DUOX1: variants seen among roughly 807,000 people sequenced by gnomAD.
DUOX1 encodes the protein dual oxidase 1, also known as NADPH thyroid oxidase 1.
In DUOX1, 134 loss-of-function variants were observed where a neutral mutation model predicts 181.8. The ratio of observed to expected loss-of-function variants is 0.74; its 90% CI spans 0.64 to 0.85. The LOEUF (loss-of-function observed/expected upper bound fraction) is 0.85, where lower values mean the gene tolerates loss of function less well. DUOX1 is among the 40% of genes least tolerant of loss of function. The pLI, the probability that DUOX1 is intolerant of heterozygous loss-of-function variation, is 0.00. For synonymous variants in DUOX1, 798 were observed against 832.5 expected (o/e 0.96, Z 0.71); for missense variants, 1,814 against 2,064.4 (o/e 0.88, Z 2.35).
In DUOX1 at chr15:45,163,935, A is replaced by C. The variant is rs1305258255; in HGVS notation, c.4533+17A>C. ...CACCCCCAGGTCAGTCCAACCCATA[A>C]CCAGGTTCTCTTCCTCTTTATCATT... On this transcript the variant is annotated intron_variant, in intron 33 of 33. Transcript: ENST00000389037. 1 of 1,611,634 alleles carries C rather than the reference A, an allele frequency of 6.2e-7. No individual in the cohort carries two copies. The highest frequency in any genetic ancestry group is 8.5e-7 in the Non-Finnish European group (1 of 1,178,422).
chr15:45,139,526 G>A lies in DUOX1; in HGVS notation c.1316G>A (p.Arg439Lys), dbSNP rs773614186. 16 of 1,613,042 alleles carry A rather than the reference G, an allele frequency of 9.9e-6. No homozygotes were observed. The highest frequency in any genetic ancestry group is 4.4e-5 in the South Asian group (4 of 90,894). ...DLGLPSYTKA[R>K]AALGLSPITR... ...GGCCTGCCCTCTTACACCAAGGCCA[G>A]GGCAGCACTGGGCTTGTCTCCCATT... is the stretch of plus-strand genomic sequence containing the variant. Residue 439 changes from arginine (R) to lysine (K), a missense_variant, in exon 12 of 34, where the codon AGG becomes AAG. Arg to Lys is a conservative substitution (Grantham distance 26). Transcript: ENST00000389037.
In DUOX1 at chr15:45,152,283, C is replaced by G; in HGVS notation, c.3194-3C>G. The G allele has an allele frequency of 1.9e-6, 3 of 1,612,542 alleles. No homozygotes were observed. The highest frequency in any genetic ancestry group is 2.5e-6 in the Non-Finnish European group (3 of 1,178,922). ...CGCTTGCCTGCCTGGGCCCCCTCCACAGACTACGCCTTTGCCGCACATCAC... is the reference window on the plus strand; with the variant it reads ...CGCTTGCCTGCCTGGGCCCCCTCCAGAGACTACGCCTTTGCCGCACATCAC... On this transcript the variant is annotated splice_polypyrimidine_tract_variant and splice_region_variant and intron_variant, in intron 24 of 33. Transcript: ENST00000389037.
At chr15:45,155,009 A>T (rs1896935386) in intron 27 of DUOX1, among the ~76,000 whole-genome samples, 1 of 152,274 alleles carries the variant, frequency 6.6e-6, no homozygotes, top group East Asian at 1.9e-4. Flanking sequence ...GTGCTGTGGC[A>T]GCCAACAAAG....
At chr15:45,157,950 T>C (rs1897004530) in intron 28 of DUOX1, among the ~76,000 whole-genome samples, 1 of 152,084 alleles carries the variant, frequency 6.6e-6, no homozygotes, top group Admixed American at 6.6e-5. Flanking sequence ...TTCCCACTTG[T>C]CCCAGGCGTG....
At chr15:45,148,071 G>C in intron 20 of DUOX1, 74 bp downstream of exon 20, 1 of 1,457,278 alleles carries the variant, frequency 6.9e-7, no homozygotes, top group South Asian at 1.1e-5. Context: ...ACCTGAAGGA[G>C]AGAGCAGAAG....
intron 18 of DUOX1, among the ~76,000 whole-genome samples, chr15:45,146,590 A>C (rs957023101): frequency 6.6e-6 from 1 of 152,220 alleles, no homozygotes; most frequent in Admixed American, 6.5e-5. Flanking sequence ...AGGGCAGATG[A>C]GGAAATGAAT....
intron 7 of DUOX1, among the ~76,000 whole-genome samples, 161 bp from the exon 8 acceptor site, chr15:45,136,189 C>T (rs1182621802): frequency 6.6e-6 from 1 of 152,176 alleles, no homozygotes; most frequent in African/African-American, 2.4e-5. Context: ...CCCCTGGTTC[C>T]TTGTGGGGAC....
rs774050506 is a variant in DUOX1, at chr15:45,144,158, C to G, written c.2059C>G (p.Gln687Glu). 2.5e-6 allele frequency: 4 copies of G among 1,614,172 alleles called. No individual in the cohort carries two copies. Among genetic ancestry groups the G allele is most frequent in the Non-Finnish European group, 3.4e-6 (4 of 1,180,048 alleles). Residue 687 changes from glutamine to glutamate, a missense_variant, in exon 17 of 34, where the codon CAG (glutamine) becomes GAG (glutamate). This residue lies in a region of DUOX1 where 1,064 missense variants were observed against 1,152.9 expected (regional missense o/e 0.92). Transcript: ENST00000389037. Reference protein sequence around the residue: ...VLRTIQLQPPQKVNFVLSSNR... With the variant: ...VLRTIQLQPPEKVNFVLSSNR... ...CCGCACCATCCAGCTGCAGCCTCCA[C>G]AGAAGGTCAACTTCGTCCTGTCCAG...
intron 31 of DUOX1, 107 bp from the exon 32 acceptor site, chr15:45,163,425 A>C: frequency 6.7e-7 from 1 of 1,492,296 alleles, no homozygotes; most frequent in Non-Finnish European, 9.1e-7. Context: ...TGTCTAGGGA[A>C]GGGCACAAGC....
At chr15:45,139,952 G>T in intron 12 of DUOX1, 9 of 749,386 alleles carry the variant, frequency 1.2e-5, no homozygotes, top group South Asian at 1.1e-4. Flanking sequence ...CGATGTTTAA[G>T]CCACCTTTCA....
rs112816950 is a variant in DUOX1, at chr15:45,145,135, T to A, written c.2322+55T>A. 384 of 1,476,768 alleles carry A rather than the reference T, an allele frequency of 2.6e-4. 2 individuals are homozygous for A. The African/African-American group carries it at 4.8e-3, about 19-fold the overall frequency. The allele number at this position is 1,476,768 out of a possible 1,614,324, so 91.5% of individuals were successfully genotyped here. On this transcript the variant is annotated intron_variant, in intron 18 of 33. Coordinates refer to ENST00000389037, the MANE Select transcript of DUOX1 (RefSeq NM_175940.3). ...TGCTGTGGTGGTGTCCTTACCTGCATGAGGCCATGGGGTGACTCGAGGGGA... is the reference window on the plus strand; with the variant it reads ...TGCTGTGGTGGTGTCCTTACCTGCAAGAGGCCATGGGGTGACTCGAGGGGA...
chr15:45,160,710 C>G, intron 28 of DUOX1, 127 bp from the exon 29 acceptor site: 1 of 1,074,564 alleles, frequency 9.3e-7, no homozygotes, highest in East Asian at 5.1e-5. Context: ...CTAGAAGGAG[C>G]ATGGTACGTG....
At position 45,163,816 on chromosome 15, in the gene DUOX1, G is replaced by T. The variant is rs1567022991; in HGVS notation, c.4431G>T (p.Lys1477Asn). 6.2e-7 allele frequency: 1 copy of T among 1,614,132 alleles called. No homozygotes were observed. Residue 1477 changes from lysine (K) to asparagine (N), a missense_variant, in exon 33 of 34, where the codon AAG becomes AAT. Physicochemically the swap from Lys to Asn is moderately conservative, Grantham distance 94. This residue lies in a region of DUOX1 where 124 missense variants were observed against 125.7 expected (regional missense o/e 0.99). Coordinates refer to ENST00000389037, the MANE Select transcript of DUOX1 (RefSeq NM_175940.3). ...ACATCTGTGAGCGGCACTTCCAGAA[G>T]GTTCTGAACCGGAGTCTATTCACAG... ...MLYICERHFQ[K>N]VLNRSLFTGL...
At chr15:45,130,146 G>T (rs919548927) in intron 1 of DUOX1, 48 bp downstream of exon 1, 3 of 152,356 alleles carry the variant, frequency 2.0e-5, no homozygotes, top group Admixed American at 6.5e-5. Context: ...GGGCGCTCCG[G>T]GGGAGGGAGC....
chr15:45,140,900 G>A lies in DUOX1; in HGVS notation c.1395G>A (p.Leu465=), dbSNP rs1457267885. ...PALSRSNDTV[L]EATAALYNQD... ...CTGCCCCTTCTTGGTTCCAGGTACT[G>A]GAGGCCACAGCTGCCCTGTACAACC... is the stretch of plus-strand genomic sequence containing the variant. Residue 465 remains leucine, a synonymous_variant, in exon 13 of 34, where the codon CTG becomes CTA. Transcript: ENST00000389037. The A allele has an allele frequency of 6.2e-7, 1 of 1,613,756 alleles. No homozygotes were observed. The highest frequency in any genetic ancestry group is 1.7e-5 in the Admixed American group (1 of 60,006).
At chr15:45,137,185 TAAA>T (rs35442034) in intron 9 of DUOX1, among the ~76,000 whole-genome samples, 111 of 81,916 alleles carry the variant, frequency 1.4e-3, no homozygotes, top group African/African-American at 5.1e-3. Context: ...TCGTCTCTAC[TAAA>T]AAAAAAAAAA....
intron 10 of DUOX1, 89 bp downstream of exon 10, chr15:45,138,103 T>TGTGA (rs1555421236): frequency 3.9e-5 from 39 of 1,011,716 alleles, no homozygotes; most frequent in South Asian, 6.5e-5. Context: ...TGTGTGTGTG[T>TGTGA]GTGAGTGCAT....
chr15:45,151,939 T>C lies in DUOX1; in HGVS notation c.3080T>C (p.Leu1027Pro). ...CGAGAGAAGTTCCAACGCAGCTGTCTCCACCAGACGGTGCAACAGTTCAAG... is the reference window on the plus strand; with the variant it reads ...CGAGAGAAGTTCCAACGCAGCTGTCCCCACCAGACGGTGCAACAGTTCAAG... Reference protein sequence around the residue: ...AHREKFQRSCLHQTVQQFKRF... With the variant: ...AHREKFQRSCPHQTVQQFKRF... The change falls in exon 24 of 34, where the codon CTC becomes CCC. Residue 1027 changes from leucine (L) to proline (P), a missense_variant. By Grantham distance (98) the Leu-to-Pro change is moderately conservative. This residue lies in a region of DUOX1 where 1,064 missense variants were observed against 1,152.9 expected (regional missense o/e 0.92). Transcript: ENST00000389037. 8.1e-6 allele frequency: 13 copies of C among 1,613,912 alleles called. No homozygotes were observed. The highest frequency in any genetic ancestry group is 1.1e-5 in the Non-Finnish European group (13 of 1,179,980).
Position 45,162,336 on chromosome 15 carries a change from G to A in DUOX1, c.4207G>A (p.Val1403Ile), listed in dbSNP as rs1309344824. ...TPFASILKDL[V>I]FKSSVSCQVF... ...TTTTGCCTCCATCCTCAAAGACCTGGTCTTCAAGTCATCCGTCAGCTGCCA... is the reference window on the plus strand; with the variant it reads ...TTTTGCCTCCATCCTCAAAGACCTGATCTTCAAGTCATCCGTCAGCTGCCA... Residue 1403 changes from valine to isoleucine, a missense_variant, in exon 31 of 34, where the codon GTC (valine) becomes ATC (isoleucine). This residue lies in a region of DUOX1 where 279 missense variants were observed against 381.9 expected (regional missense o/e 0.73). Transcript: ENST00000389037. The A allele has an allele frequency of 6.2e-7, 1 of 1,614,118 alleles. No homozygotes were observed. Among genetic ancestry groups the A allele is most frequent in the Non-Finnish European group, 8.5e-7 (1 of 1,180,006 alleles).
Sources: allele counts gnomAD v4.1 joint callset (sites outside exome capture counted in the v4.1 genomes callset), GRCh38; gene constraint gnomAD v4.1.1; regional missense constraint gnomAD v4.1.1; transcripts MANE v1.5; gene names NCBI Gene and HGNC (gene_info 2026-07-23, HGNC 2026-07-21).